Variants in CACNA1A observed in about 807,000 individuals in gnomAD.
CACNA1A encodes calcium voltage-gated channel subunit alpha1 A.
CACNA1A carries 57 observed loss-of-function variants against 262.4 expected under a neutral mutation model. The ratio of observed to expected loss-of-function variants is 0.22; its 90% confidence interval spans 0.18 to 0.27. The LOEUF (loss-of-function observed/expected upper bound fraction) is 0.27, where lower values mean the gene tolerates loss of function less well. Among genes scored for constraint, CACNA1A ranks in the 10% least tolerant of loss-of-function variants. CACNA1A has a pLI of 1.00. For synonymous variants in CACNA1A, 1,431 were observed against 1,419.3 expected, an observed-to-expected ratio of 1.01 and a Z score of -0.18; for missense variants, 2,526 against 3,562.8, an observed-to-expected ratio of 0.71 and a Z score of 7.41.
chr19:13,505,872 G>A (rs1982972874), intron 1 of CACNA1A, 60 bp downstream of exon 1: 15 of 1,533,770 alleles, frequency 9.8e-6, no homozygotes, highest in Non-Finnish European at 1.2e-5. Flanking sequence ...GCCTGGAAGA[G>A]GGGAGGCGGA....
chr19:13,383,321 G>A (rs2059553715), intron 3 of CACNA1A, among the ~76,000 whole-genome samples: 1 of 152,184 alleles, frequency 6.6e-6, no homozygotes, highest in Admixed American at 6.6e-5. Context: ...TGACTCCAGG[G>A]TTTTGGCCTG....
intron 6 of CACNA1A, among the ~76,000 whole-genome samples, chr19:13,353,761 G>C (rs2058955864): frequency 6.6e-6 from 1 of 152,180 alleles, no homozygotes; most frequent in Non-Finnish European, 1.5e-5. Flanking sequence ...CTGTAGGTGA[G>C]CTGCCACTGT....
At chr19:13,266,224 T>A (rs568496584) in intron 24 of CACNA1A, among the ~76,000 whole-genome samples, 54 of 150,590 alleles carry the variant, frequency 3.6e-4, no homozygotes, top group African/African-American at 8.1e-4. Context: ...CCTTTTTTTT[T>A]ATTTAAATTA....
intron 24 of CACNA1A, among the ~76,000 whole-genome samples, chr19:13,264,171 C>T (rs1242932276): frequency 6.6e-6 from 1 of 152,148 alleles, no homozygotes; most frequent in Non-Finnish European, 1.5e-5. Context: ...TCAGGCCCCC[C>T]AAGAGGAGGG....
intron 1 of CACNA1A, among the ~76,000 whole-genome samples, chr19:13,488,359 C>G (rs1046634556): frequency 1.4e-5 from 2 of 145,762 alleles, no homozygotes; most frequent in Non-Finnish European, 3.0e-5. Flanking sequence ...GGGGGTGGAG[C>G]TTGGGGCATC....
chr19:13,316,929 T>G lies in CACNA1A; in HGVS notation c.1555+183A>C, dbSNP rs2292035. On this transcript the variant is annotated intron_variant, in intron 11 of 46. Transcript: ENST00000360228. The stretch of plus-strand genomic sequence containing the variant: ...TTCCAGCTCTCAGGTCTAAGGGAGA[T>G]GGGTTCCATTGTCATAGCAACAGTA... 136,024 of 516,134 alleles carry G rather than the reference T, an allele frequency of 0.26. 19,944 individuals carry two copies. The highest frequency in any genetic ancestry group is 0.46 in the East Asian group (15,687 of 34,148). The allele number at this position is 516,134 out of a possible 1,614,324, so 32.0% of individuals were successfully genotyped here.
At chr19:13,278,970 C>T (rs565837766) in intron 22 of CACNA1A, among the ~76,000 whole-genome samples, 15 of 152,054 alleles carry the variant, frequency 9.9e-5, no homozygotes, top group South Asian at 2.1e-4. Context: ...TTCAGGTGCA[C>T]GAGGCAGTGG....
chr19:13,338,514 T>G (rs2058617537), intron 6 of CACNA1A, among the ~76,000 whole-genome samples: 2 of 151,834 alleles, frequency 1.3e-5, no homozygotes, highest in African/African-American at 2.4e-5. Context: ...AGCTCCAAAT[T>G]GCAAACAATC....
chr19:13,312,626 G>T, intron 12 of CACNA1A, 43 bp downstream of exon 12: 1 of 1,166,360 alleles, frequency 8.6e-7, no homozygotes, highest in Non-Finnish European at 1.2e-6. Flanking sequence ...GTCATTCCAG[G>T]CAAGAGCTGG....
At chr19:13,378,195 G>A (rs1480240347) in intron 3 of CACNA1A, among the ~76,000 whole-genome samples, 1 of 152,206 alleles carries the variant, frequency 6.6e-6, no homozygotes, top group East Asian at 1.9e-4. Flanking sequence ...CTGAATTGCT[G>A]CAGCCTCATG....
chr19:13,461,411 G>A (rs2061121854), intron 1 of CACNA1A, among the ~76,000 whole-genome samples: 4 of 145,430 alleles, frequency 2.8e-5, no homozygotes, highest in Admixed American at 2.7e-4. Flanking sequence ...ATGAAGGAAG[G>A]GGACATGGGT....
intron 24 of CACNA1A, among the ~76,000 whole-genome samples, chr19:13,267,812 C>T (rs1173453060): frequency 1.3e-5 from 2 of 151,702 alleles, no homozygotes; most frequent in African/African-American, 4.8e-5. Flanking sequence ...GCAGGGTCTC[C>T]CTCTGTTGCC....
intron 34 of CACNA1A, among the ~76,000 whole-genome samples, chr19:13,232,616 A>C (rs1363326835): frequency 6.6e-6 from 1 of 151,890 alleles, no homozygotes; most frequent in Non-Finnish European, 1.5e-5. Flanking sequence ...CTGTAGTCTC[A>C]GCTACTTGGG....
chr19:13,358,407 A>C (rs1473600304), intron 6 of CACNA1A, among the ~76,000 whole-genome samples: 1 of 152,202 alleles, frequency 6.6e-6, no homozygotes, highest in East Asian at 1.9e-4. Context: ...CTCTACAAAA[A>C]TTAGCTGGGC....
chr19:13,239,613 C>A (rs1385876862), intron 31 of CACNA1A, among the ~76,000 whole-genome samples: 1 of 152,072 alleles, frequency 6.6e-6, no homozygotes, highest in Non-Finnish European at 1.5e-5. Flanking sequence ...GGCAAAGATG[C>A]CATTGGGGCG....
At chr19:13,328,912 CCTT>C (rs1384965739) in intron 10 of CACNA1A, among the ~76,000 whole-genome samples, 2 of 141,078 alleles carry the variant, frequency 1.4e-5, no homozygotes, top group African/African-American at 5.2e-5. Context: ...TTCTCTCCCT[CCTT>C]CTCTTCCTCC....
intron 1 of CACNA1A, among the ~76,000 whole-genome samples, chr19:13,472,426 T>C (rs1019000189): frequency 6.6e-6 from 1 of 152,210 alleles, no homozygotes; most frequent in African/African-American, 2.4e-5. Flanking sequence ...TCTCATTGCA[T>C]GTAGAATAAA....
chr19:13,266,890 T>C (rs1286162510), intron 24 of CACNA1A, among the ~76,000 whole-genome samples: 4 of 152,218 alleles, frequency 2.6e-5, no homozygotes, highest in Non-Finnish European at 5.9e-5. Flanking sequence ...TCATTGCTTC[T>C]GATAACTGCT....
At chr19:13,374,665 T>C (rs2059376134) in intron 3 of CACNA1A, among the ~76,000 whole-genome samples, 1 of 152,232 alleles carries the variant, frequency 6.6e-6, no homozygotes, top group Admixed American at 6.5e-5. Flanking sequence ...TTGCACCTTG[T>C]TTTCTTCTGT....
Sources: allele counts gnomAD v4.1 joint callset (sites outside exome capture counted in the v4.1 genomes callset), GRCh38; gene constraint gnomAD v4.1.1; transcripts MANE v1.5; gene names NCBI Gene and HGNC (gene_info 2026-07-23, HGNC 2026-07-21).